Variants in SH3BGR observed in about 807,000 individuals in gnomAD.
SH3BGR encodes SH3 domain binding glutamate rich protein, also known as SH3 domain-binding glutamic acid-rich protein.
In SH3BGR, 29 loss-of-function variants were observed where a neutral mutation model predicts 24.5. That is an observed-to-expected ratio of 1.18 (90% CI 0.88 to 1.61). SH3BGR has a LOEUF of 1.61. Among genes scored for constraint, SH3BGR ranks in the 40% most tolerant of loss-of-function variants. SH3BGR has a pLI of 0.00. For synonymous variants in SH3BGR, 55 were observed against 65.7 expected, an observed-to-expected ratio of 0.84 and a Z score of 0.79; for missense variants, 162 against 205.8, an observed-to-expected ratio of 0.79 and a Z score of 1.30.
intron 4 of SH3BGR, among the ~76,000 whole-genome samples, chr21:39,504,691 A>T (rs1462093751): frequency 6.6e-6 from 1 of 152,176 alleles, no homozygotes; most frequent in African/African-American, 2.4e-5. Context: ...TAATTATCTT[A>T]AAAAAATGCT....
chr21:39,497,589 A>G (rs1393603411), intron 3 of SH3BGR, among the ~76,000 whole-genome samples: 1 of 152,108 alleles, frequency 6.6e-6, no homozygotes, highest in Non-Finnish European at 1.5e-5. Flanking sequence ...ATTTATAGTA[A>G]AGCACAAACA....
intron 3 of SH3BGR, among the ~76,000 whole-genome samples, chr21:39,496,138 G>A (rs78150955): frequency 8.7e-5 from 5 of 57,302 alleles, no homozygotes; most frequent in Admixed American, 3.5e-4. Context: ...TTTAGGAGCC[G>A]TAGTTATTGT....
chr21:39,477,078 T>C (rs1237817378), intron 3 of SH3BGR, among the ~76,000 whole-genome samples: 1 of 152,188 alleles, frequency 6.6e-6, no homozygotes, highest in East Asian at 1.9e-4. Flanking sequence ...GAATCTTTTA[T>C]TTTTTCATGT....
At chr21:39,461,816 CA>C (rs1238772873) in intron 1 of SH3BGR, among the ~76,000 whole-genome samples, 4 of 152,046 alleles carry the variant, frequency 2.6e-5, no homozygotes, top group Admixed American at 6.6e-5. Context: ...TTAGTTTTAA[CA>C]GTTGATTATA....
chr21:39,468,426 C>T (rs949595605), intron 2 of SH3BGR, among the ~76,000 whole-genome samples: 1 of 152,174 alleles, frequency 6.6e-6, no homozygotes, highest in African/African-American at 2.4e-5. Context: ...GATCCCATCC[C>T]TTCCCCTCTG....
At chr21:39,486,821 C>T (rs1326933361) in intron 3 of SH3BGR, among the ~76,000 whole-genome samples, 3 of 151,934 alleles carry the variant, frequency 2.0e-5, no homozygotes, top group Non-Finnish European at 4.4e-5. Context: ...AGTTCAAGCA[C>T]TTTCCTGCGT....
At chr21:39,475,672 T>C (rs2078016442) in intron 3 of SH3BGR, among the ~76,000 whole-genome samples, 1 of 152,218 alleles carries the variant, frequency 6.6e-6, no homozygotes, top group African/African-American at 2.4e-5. Flanking sequence ...ATGGGACAGG[T>C]AAGATCTCGA....
upstream of SH3BGR, among the ~76,000 whole-genome samples, chr21:39,451,338 G>GA (rs2077571301): frequency 6.6e-6 from 1 of 152,188 alleles, no homozygotes; most frequent in Non-Finnish European, 1.5e-5. Context: ...GCAGCCATGA[G>GA]TATTGAGAAG....
chr21:39,500,223 AC>A (rs1261444801), intron 4 of SH3BGR, among the ~76,000 whole-genome samples: 2 of 151,724 alleles, frequency 1.3e-5, no homozygotes, highest in African/African-American at 4.8e-5. Context: ...TAAACAAGGG[AC>A]CTTTCTGCTT....
At position 39,510,015 on chromosome 21, in the gene SH3BGR, T is replaced by A. The variant is rs1055161245; in HGVS notation, c.435+988T>A. On this transcript the variant is annotated intron_variant, in intron 5 of 6. Coordinates refer to ENST00000333634, the MANE Select transcript of SH3BGR (RefSeq NM_007341.3). ...CGGATTGCAGTGGCGCAATCTCGGC[T>A]CACTGCAAGCTCCGCCTCCCAGGTT... Among the ~76,000 whole-genome samples, 5 of 127,254 alleles carry A rather than the reference T, an allele frequency of 3.9e-5. 1 individual carries two copies. The highest frequency in any genetic ancestry group is 1.8e-4 in the African/African-American group (5 of 28,324). 83.5% of individuals were successfully genotyped at this position (127,254 alleles called of 152,430 possible).
chr21:39,455,553 C>T (rs936054576), intron 1 of SH3BGR, among the ~76,000 whole-genome samples: 1 of 152,252 alleles, frequency 6.6e-6, no homozygotes, highest in African/African-American at 2.4e-5. Flanking sequence ...GTCAGCTCAG[C>T]AGGCGCTGTG....
At chr21:39,496,233 G>A (rs1329454849) in intron 3 of SH3BGR, among the ~76,000 whole-genome samples, 1 of 152,132 alleles carries the variant, frequency 6.6e-6, no homozygotes, top group Non-Finnish European at 1.5e-5. Flanking sequence ...GGGCGCGGTG[G>A]CTCACGCCTG....
chr21:39,454,332 CT>C (rs1374497983), intron 1 of SH3BGR, among the ~76,000 whole-genome samples: 1 of 152,154 alleles, frequency 6.6e-6, no homozygotes, highest in Non-Finnish European at 1.5e-5. Flanking sequence ...GGCATTCTGA[CT>C]TCTGTTGGTT....
chr21:39,475,355 C>A (rs2078010422), intron 3 of SH3BGR, 140 bp downstream of exon 3: 1 of 532,270 alleles, frequency 1.9e-6, no homozygotes, highest in Non-Finnish European at 3.3e-6. Context: ...TGATGCAGTC[C>A]TATGCATAGA....
At chr21:39,470,150 T>G (rs1602097341) in intron 2 of SH3BGR, among the ~76,000 whole-genome samples, 1 of 152,248 alleles carries the variant, frequency 6.6e-6, no homozygotes, top group East Asian at 1.9e-4. Flanking sequence ...CTAATTTTAT[T>G]TTCCCCTTTA....
upstream of SH3BGR, chr21:39,451,711 G>C: frequency 7.4e-6 from 5 of 676,776 alleles, no homozygotes; most frequent in Non-Finnish European, 9.7e-6. Flanking sequence ...CTGTTACCGG[G>C]GCCCCACCTC....
At chr21:39,453,417 G>A (rs1299775143) in intron 1 of SH3BGR, among the ~76,000 whole-genome samples, 3 of 151,988 alleles carry the variant, frequency 2.0e-5, no homozygotes, top group Non-Finnish European at 4.4e-5. Context: ...AAATTTTTTT[G>A]GGGGGGAAAA....
At chr21:39,453,691 T>C (rs1221546442) in intron 1 of SH3BGR, among the ~76,000 whole-genome samples, 1 of 152,214 alleles carries the variant, frequency 6.6e-6, no homozygotes, top group Non-Finnish European at 1.5e-5. Flanking sequence ...CCTAAGCAAA[T>C]GTTTCAGTGC....
intron 5 of SH3BGR, among the ~76,000 whole-genome samples, chr21:39,510,321 T>C (rs1007102321): frequency 2.0e-5 from 3 of 151,528 alleles, no homozygotes; most frequent in South Asian, 2.1e-4. Context: ...AAAATGAACA[T>C]AGCTTTTAAC....
Sources: allele counts gnomAD v4.1 joint callset (sites outside exome capture counted in the v4.1 genomes callset), GRCh38; gene constraint gnomAD v4.1.1; transcripts MANE v1.5; gene names NCBI Gene and HGNC (gene_info 2026-07-23, HGNC 2026-07-21).